ASTN2: variants seen among roughly 807,000 people sequenced by gnomAD.
The protein encoded by ASTN2 is astrotactin-2.
ASTN2 carries 54 observed loss-of-function variants against 139.8 expected under a neutral mutation model. That is an observed-to-expected ratio of 0.39 (90% confidence interval 0.31 to 0.48). The LOEUF (loss-of-function observed/expected upper bound fraction) is 0.48, where lower values mean the gene tolerates loss of function less well. Among genes scored for constraint, ASTN2 ranks in the 20% least tolerant of loss-of-function variants. The pLI, the probability that ASTN2 is intolerant of heterozygous loss-of-function variation, is 0.95. For missense variants in ASTN2, 1,565 were observed against 1,725.1 expected, an observed-to-expected ratio of 0.91 and a Z score of 1.64; for synonymous variants, 756 against 719.5, an observed-to-expected ratio of 1.05 and a Z score of -0.81.
chr9:117,039,918 C>T lies in ASTN2; in HGVS notation c.1324G>A (p.Val442Met), dbSNP rs1838503285. ...VNKTALTLIAVSSCILAMVCG... is the reference protein window; with the variant it reads ...VNKTALTLIAMSSCILAMVCG... The stretch of plus-strand genomic sequence containing the variant: ...ACCATGGCCAGGATGCAGGAACTCA[C>T]AGCAATCAGTGTCAGGGCTGTCTTG... Residue 442 changes from valine (V) to methionine (M), a missense_variant, in exon 6 of 23, where the codon GTG (valine) becomes ATG (methionine). By Grantham distance (21) the Val-to-Met change is conservative. Transcript: ENST00000313400. The T allele has an allele frequency of 3.1e-6, 5 of 1,613,666 alleles. No individual in the cohort carries two copies. The South Asian group carries it at 3.3e-5, about 11-fold the overall frequency.
chr9:116,914,262 T>C (rs1360460449), intron 10 of ASTN2, among the ~76,000 whole-genome samples: 1 of 151,910 alleles, frequency 6.6e-6, no homozygotes, highest in Non-Finnish European at 1.5e-5. Context: ...TGACTAGCTA[T>C]GTGAACATGA....
At chr9:117,095,981 A>G in intron 5 of ASTN2, 63 bp downstream of exon 5, 1 of 1,503,986 alleles carries the variant, frequency 6.6e-7, no homozygotes, top group South Asian at 1.1e-5. Flanking sequence ...TGAACACAAA[A>G]TCTGATTTCC....
chr9:116,477,129 C>T, intron 20 of ASTN2, among the ~76,000 whole-genome samples: 1 of 152,050 alleles, frequency 6.6e-6, no homozygotes. Context: ...AATCTTGACG[C>T]AGTGTGAGGA....
intron 3 of ASTN2, among the ~76,000 whole-genome samples, chr9:117,187,553 A>G (rs4838267): frequency 0.45 from 68,159 of 151,954 alleles, 15,431 homozygotes; most frequent in African/African-American, 0.52. Flanking sequence ...AAGGACTAAT[A>G]GATTAATGGG....
chr9:116,819,009 A>G (rs1007119532), intron 12 of ASTN2, among the ~76,000 whole-genome samples: 11 of 152,292 alleles, frequency 7.2e-5, no homozygotes, highest in Non-Finnish European at 1.6e-4. Flanking sequence ...TTTACTGGTG[A>G]GAAAATGGAA....
intron 17 of ASTN2, among the ~76,000 whole-genome samples, chr9:116,638,035 A>G (rs1482263881): frequency 6.6e-6 from 1 of 152,202 alleles, no homozygotes. Context: ...GAGAATTCAA[A>G]AAGAAGCTCT....
chr9:116,709,266 T>A (rs1008140528), intron 16 of ASTN2, among the ~76,000 whole-genome samples: 1 of 152,208 alleles, frequency 6.6e-6, no homozygotes, highest in Admixed American at 6.5e-5. Context: ...CTAAATACCA[T>A]GGTGCTGGTA....
rs529752370 is a variant in ASTN2 at position 116,564,024 on chromosome 9, C to T, written c.3355+54300G>A. 3.9e-5 allele frequency among the ~76,000 whole-genome samples: 6 copies of T among 152,306 alleles called. No homozygotes were observed. In the South Asian group the frequency reaches 8.3e-4, roughly 21 times the overall value. On this transcript the variant is annotated intron_variant, in intron 19 of 22. Coordinates refer to ENST00000313400, the MANE Select transcript of ASTN2 (RefSeq NM_001365068.1). Reference sequence around the variant, plus strand: ...TATACCATAAACTCTTTGCAAAGCACATGGATTACAGAACTAGTTTAAGAT... The same window carrying T: ...TATACCATAAACTCTTTGCAAAGCATATGGATTACAGAACTAGTTTAAGAT...
intron 7 of ASTN2, among the ~76,000 whole-genome samples, chr9:117,004,666 C>T (rs1564379968): frequency 6.6e-6 from 1 of 152,194 alleles, no homozygotes; most frequent in Non-Finnish European, 1.5e-5. Context: ...GACCTCTGCA[C>T]AGAGGCTGTT....
intron 1 of ASTN2, among the ~76,000 whole-genome samples, chr9:117,389,410 C>T (rs944185495): frequency 5.3e-5 from 8 of 152,156 alleles, no homozygotes; most frequent in African/African-American, 7.2e-5. Context: ...TCAACTCAAC[C>T]GTTCTCTTAC....
intron 10 of ASTN2, among the ~76,000 whole-genome samples, chr9:116,913,939 G>C (rs1182325229): frequency 6.6e-6 from 1 of 150,800 alleles, no homozygotes; most frequent in Non-Finnish European, 1.5e-5. Flanking sequence ...CTGTGAGTAT[G>C]TTTCTAGCTC....
At chr9:117,307,564 C>T (rs1219511999) in intron 1 of ASTN2, among the ~76,000 whole-genome samples, 1 of 152,188 alleles carries the variant, frequency 6.6e-6, no homozygotes, top group African/African-American at 2.4e-5. Context: ...CTGTAATGTG[C>T]TCACTAGGTT....
intron 11 of ASTN2, among the ~76,000 whole-genome samples, chr9:116,824,784 C>T (rs1481032616): frequency 6.6e-6 from 1 of 152,204 alleles, no homozygotes; most frequent in Non-Finnish European, 1.5e-5. Context: ...CAGTGATCAA[C>T]AAATAGTTCT....
chr9:117,202,318 T>C (rs1831752959), intron 3 of ASTN2, among the ~76,000 whole-genome samples: 1 of 152,190 alleles, frequency 6.6e-6, no homozygotes, highest in African/African-American at 2.4e-5. Context: ...GTCTTTTAAT[T>C]GGGGCATTTA....
rs766457847 is a variant in ASTN2, at chr9:116,686,819, T to C, written c.2807-35026A>G. The C allele has an allele frequency of 2.6e-6, 4 of 1,550,448 alleles. No homozygotes were observed. In the South Asian group the frequency reaches 4.8e-5, roughly 18 times the overall value. On this transcript the variant is annotated intron_variant, in intron 16 of 22. Coordinates refer to ENST00000313400, the MANE Select transcript of ASTN2 (RefSeq NM_001365068.1). ...CAATGTGTTCATGGATAAACTTGTCTCTAGTGCAGCTCTCTGTCAGAGCAC... is the reference window on the plus strand; with the variant it reads ...CAATGTGTTCATGGATAAACTTGTCCCTAGTGCAGCTCTCTGTCAGAGCAC...
At chr9:117,276,539 A>T (rs1834193805) in intron 2 of ASTN2, among the ~76,000 whole-genome samples, 1 of 152,224 alleles carries the variant, frequency 6.6e-6, no homozygotes, top group East Asian at 1.9e-4. Flanking sequence ...AGGAAAGCTG[A>T]GACAGGGCAG....
chr9:117,124,984 A>G (rs1829651640), intron 4 of ASTN2, among the ~76,000 whole-genome samples: 1 of 152,196 alleles, frequency 6.6e-6, no homozygotes, highest in African/African-American at 2.4e-5. Context: ...AGTAGGTGCA[A>G]AAATGTGTTG....
At chr9:116,650,498 G>A (rs1163646003) in intron 17 of ASTN2, among the ~76,000 whole-genome samples, 6 of 152,120 alleles carry the variant, frequency 3.9e-5, no homozygotes, top group Non-Finnish European at 7.3e-5. Context: ...TGTAAAAGGG[G>A]TACGATATTA....
At chr9:117,138,329 A>G (rs1303741284) in intron 4 of ASTN2, among the ~76,000 whole-genome samples, 3 of 152,266 alleles carry the variant, frequency 2.0e-5, no homozygotes, top group African/African-American at 7.2e-5. Flanking sequence ...GGGGCTGGCT[A>G]GGAGAGCAGC....
Sources: gnomAD v4.1 joint callset for allele counts (sites outside exome capture counted in the v4.1 genomes callset) on GRCh38, gnomAD v4.1.1 for gene constraint, MANE v1.5 for transcripts, NCBI Gene and HGNC (gene_info 2026-07-23, HGNC 2026-07-21) for gene names.